Variants in EBF2 observed in about 807,000 individuals in gnomAD.
EBF2 encodes the protein EBF transcription factor 2.
In EBF2, 21 loss-of-function variants were observed where a neutral mutation model predicts 72.8. The ratio of observed to expected loss-of-function variants is 0.29; its 90% confidence interval spans 0.20 to 0.42. The LOEUF is 0.42. EBF2 is among the 10% of genes least tolerant of loss of function. EBF2 has a pLI of 1.00. For synonymous variants in EBF2, 299 were observed against 274.2 expected (o/e 1.09, Z -0.89); for missense variants, 637 against 731.2 (o/e 0.87, Z 1.49).
chr8:25,903,270 G>A (rs554513895), intron 7 of EBF2, among the ~76,000 whole-genome samples: 1 of 148,854 alleles, frequency 6.7e-6, no homozygotes, highest in South Asian at 2.1e-4. Context: ...CTGGGCTCAA[G>A]TTGTCCTCCT....
At chr8:26,015,609 G>C (rs1805097352) in intron 6 of EBF2, among the ~76,000 whole-genome samples, 1 of 152,244 alleles carries the variant, frequency 6.6e-6, no homozygotes, top group African/African-American at 2.4e-5. Context: ...CTATAAGCCA[G>C]TCACTCTTGT....
intron 10 of EBF2, among the ~76,000 whole-genome samples, chr8:25,877,029 C>T (rs1802532964): frequency 2.0e-5 from 3 of 152,164 alleles, no homozygotes; most frequent in Admixed American, 2.0e-4. Flanking sequence ...TGCAAAGAAC[C>T]ACAGGAACAA....
intron 6 of EBF2, among the ~76,000 whole-genome samples, chr8:25,964,035 C>T (rs1439641447): frequency 6.6e-6 from 1 of 152,126 alleles, no homozygotes; most frequent in African/African-American, 2.4e-5. Flanking sequence ...CCTAACAGTA[C>T]TTTGTATCAA....
Position 25,908,561 on chromosome 8 carries a change from A to G in EBF2, c.552-6T>C. On this transcript the variant is annotated splice_polypyrimidine_tract_variant and splice_region_variant and intron_variant, in intron 6 of 15. Coordinates refer to ENST00000520164, the MANE Select transcript of EBF2 (RefSeq NM_022659.4). ...GGAAAAATTTTAAAAAGAATCTGTG[A>G]AGAGAAAGCGATGTGTTACATTTTT... is the stretch of plus-strand genomic sequence containing the variant. 6.3e-7 allele frequency: 1 copy of G among 1,586,472 alleles called. No individual in the cohort carries two copies.
At chr8:26,012,408 G>A (rs897933312) in intron 6 of EBF2, among the ~76,000 whole-genome samples, 17 of 152,100 alleles carry the variant, frequency 1.1e-4, no homozygotes, top group African/African-American at 3.9e-4. Flanking sequence ...TGAAATAGCT[G>A]GAGAAATATG....
At chr8:25,978,220 G>C (rs1442716350) in intron 6 of EBF2, among the ~76,000 whole-genome samples, 1 of 152,202 alleles carries the variant, frequency 6.6e-6, no homozygotes, top group Non-Finnish European at 1.5e-5. Context: ...ATTCAAAATG[G>C]AGAGGATTAA....
intron 6 of EBF2, among the ~76,000 whole-genome samples, chr8:25,940,531 T>C (rs1464381071): frequency 6.6e-6 from 1 of 151,812 alleles, no homozygotes; most frequent in Non-Finnish European, 1.5e-5. Context: ...TTATTAGCCA[T>C]AGAGGTTCAT....
At chr8:26,042,389 T>C in intron 1 of EBF2, 138 bp from the exon 2 acceptor site, 2 of 1,118,286 alleles carry the variant, frequency 1.8e-6, no homozygotes, top group Non-Finnish European at 2.5e-6. Context: ...GGGCCTTTTT[T>C]CCAATTCGGA....
At chr8:26,034,197 A>G (rs138931764) in intron 5 of EBF2, among the ~76,000 whole-genome samples, 171 of 152,346 alleles carry the variant, frequency 1.1e-3, no homozygotes, top group African/African-American at 3.9e-3. Context: ...ACTTATTTCC[A>G]TCATTTTTCA....
Position 25,986,002 on chromosome 8 carries a change from A to AAAAAAAAAAAAG in EBF2, c.551+47082_551+47083insCTTTTTTTTTTT, listed in dbSNP as rs1804447012. 3.6e-5 allele frequency among the ~76,000 whole-genome samples: 2 copies of AAAAAAAAAAAAG among 55,986 alleles called. 1 individual carries two copies. The highest frequency in any genetic ancestry group is 7.5e-4 in the East Asian group (2 of 2,658). The allele number at this position is 55,986 out of a possible 152,430, so 36.7% of individuals were successfully genotyped here. On this transcript the variant is annotated intron_variant, in intron 6 of 15. Coordinates refer to ENST00000520164, the MANE Select transcript of EBF2 (RefSeq NM_022659.4). ...GGGTGACAGAGTGAAACTCTGTCTC[A>AAAAAAAAAAAAG]AAAAAAAAAAAAAAAAAAAAAAAGT...
At chr8:25,911,867 G>C (rs952874585) in intron 6 of EBF2, among the ~76,000 whole-genome samples, 3 of 152,204 alleles carry the variant, frequency 2.0e-5, no homozygotes, top group African/African-American at 7.2e-5. Flanking sequence ...ACAGCTGACT[G>C]GTGGGAAATA....
At chr8:25,905,539 T>G (rs1244661011) in intron 7 of EBF2, among the ~76,000 whole-genome samples, 2 of 152,202 alleles carry the variant, frequency 1.3e-5, no homozygotes, top group African/African-American at 4.8e-5. Flanking sequence ...TGCTATCACA[T>G]AGAGGAACTT....
intron 6 of EBF2, among the ~76,000 whole-genome samples, chr8:25,995,487 G>A (rs769672156): frequency 3.9e-5 from 6 of 152,010 alleles, no homozygotes; most frequent in East Asian, 3.8e-4. Flanking sequence ...TTAAGCTCTC[G>A]CATTAAAAAG....
chr8:25,984,262 CTT>C (rs1804410203), intron 6 of EBF2, among the ~76,000 whole-genome samples: 1 of 152,134 alleles, frequency 6.6e-6, no homozygotes, highest in Non-Finnish European at 1.5e-5. Flanking sequence ...TATTGGCTGA[CTT>C]AATGTGAGTG....
chr8:26,014,371 T>G (rs1193026127), intron 6 of EBF2, among the ~76,000 whole-genome samples: 2 of 152,134 alleles, frequency 1.3e-5, no homozygotes, highest in African/African-American at 2.4e-5. Flanking sequence ...AGTAGTAGTA[T>G]TAGTATTAGT....
At chr8:25,923,561 T>C (rs1472101733) in intron 6 of EBF2, among the ~76,000 whole-genome samples, 3 of 152,240 alleles carry the variant, frequency 2.0e-5, no homozygotes, top group African/African-American at 7.2e-5. Context: ...CTCCTAGTGA[T>C]AAGCCTGCTT....
intron 6 of EBF2, among the ~76,000 whole-genome samples, chr8:25,967,545 T>C (rs1293607033): frequency 6.6e-6 from 1 of 152,256 alleles, no homozygotes; most frequent in East Asian, 1.9e-4. Context: ...GCTCATGTCA[T>C]TTATTGAATA....
In EBF2 at chr8:25,861,442, T is replaced by C. The variant is rs1802211733; in HGVS notation, c.1099-68A>G. On this transcript the variant is annotated intron_variant, in intron 11 of 15. Coordinates refer to ENST00000520164, the MANE Select transcript of EBF2 (RefSeq NM_022659.4). ...CAAGATGGCAAACAAAAGAAAATTA[T>C]AGGCAAAAATGAGAAATCCACACAT... The C allele has an allele frequency of 3.2e-6, 5 of 1,575,368 alleles. No individual in the cohort carries two copies. In the South Asian group the frequency reaches 4.5e-5, roughly 14 times the overall value.
intron 14 of EBF2, among the ~76,000 whole-genome samples, chr8:25,857,003 T>G (rs966504152): frequency 2.0e-5 from 3 of 152,334 alleles, no homozygotes; most frequent in Non-Finnish European, 4.4e-5. Flanking sequence ...TACTATCTAT[T>G]TGACTGCAAT....
Sources: allele counts gnomAD v4.1 joint callset (sites outside exome capture counted in the v4.1 genomes callset), GRCh38; gene constraint gnomAD v4.1.1; transcripts MANE v1.5; gene names NCBI Gene and HGNC (gene_info 2026-07-23, HGNC 2026-07-21).